The following ADCY5 variants were observed in gnomAD, a reference collection of about 807,000 sequenced individuals.
The protein encoded by ADCY5 is adenylate cyclase type 5.
A neutral mutation model predicts 119.7 loss-of-function variants in ADCY5; 30 were observed. The ratio of observed to expected loss-of-function variants is 0.25; its 90% confidence interval spans 0.19 to 0.34. The LOEUF (loss-of-function observed/expected upper bound fraction) is 0.34. ADCY5 is among the 10% of genes least tolerant of loss of function. The pLI is 1.00. For synonymous variants in ADCY5, 753 were observed against 762.2 expected, an observed-to-expected ratio of 0.99 and a Z score of 0.20; for missense variants, 1,324 against 1,775.2, an observed-to-expected ratio of 0.75 and a Z score of 4.57.
At chr3:123,309,687 G>A (rs752641222) in intron 12 of ADCY5, among the ~76,000 whole-genome samples, 3 of 152,158 alleles carry the variant, frequency 2.0e-5, no homozygotes, top group Admixed American at 6.5e-5. Context: ...CTCCTGGAAC[G>A]AAGACCTCTC....
At chr3:123,379,995 G>C (rs931575) in intron 1 of ADCY5, among the ~76,000 whole-genome samples, 71,899 of 151,800 alleles carry the variant, frequency 0.47, 17,779 homozygotes, top group East Asian at 0.68. Context: ...CAAATCCAGG[G>C]CCCTCTAACT....
intron 1 of ADCY5, among the ~76,000 whole-genome samples, chr3:123,375,940 G>A (rs926071018): frequency 2.2e-5 from 3 of 139,040 alleles, no homozygotes; most frequent in South Asian, 4.5e-4. Context: ...GACTCCACGC[G>A]AGCCTTTGGA....
At chr3:123,315,549 T>C (rs1280190312) in intron 11 of ADCY5, among the ~76,000 whole-genome samples, 2 of 151,562 alleles carry the variant, frequency 1.3e-5, no homozygotes, top group African/African-American at 4.8e-5. Context: ...CTACAGGGAC[T>C]GTCAGTTGCA....
rs1288026973 is a variant in ADCY5, at chr3:123,352,600, G to A, written c.1135-19C>T. 1 of 1,601,906 alleles carries A rather than the reference G, an allele frequency of 6.2e-7. No individual in the cohort carries two copies. The highest frequency in any genetic ancestry group is 1.3e-5 in the African/African-American group (1 of 74,842). The stretch of plus-strand genomic sequence containing the variant: ...AGACAAGCTGCAGAGGGAGAGAGGA[G>A]CACACCTAGCTCAGATCCTGACCTT... On this transcript the variant is annotated intron_variant, in intron 1 of 20. Transcript: ENST00000462833. This position sits in a 1 kb window ranked among gnomAD's most constrained non-coding sequence, Gnocchi z 4.8.
intron 2 of ADCY5, among the ~76,000 whole-genome samples, chr3:123,349,617 T>C (rs1942738848): frequency 6.6e-6 from 1 of 152,178 alleles, no homozygotes; most frequent in South Asian, 2.1e-4. Context: ...GAACTCACTC[T>C]TCCTTATTTT....
At position 123,291,382 on chromosome 3, in the gene ADCY5, A is replaced by G. The variant is rs1346440102; in HGVS notation, c.3064-6T>C. 1.2e-5 allele frequency: 19 copies of G among 1,603,550 alleles called. No homozygotes were observed. Among genetic ancestry groups the G allele is most frequent in the Admixed American group, 1.7e-5 (1 of 59,644 alleles). ...TCCTCTTTCTCCTCTGTGGCCTGAG[A>G]GAAAAAGACTGCAAGTCACCCAGAT... On this transcript the variant is annotated splice_region_variant and splice_polypyrimidine_tract_variant and intron_variant, in intron 17 of 20. Transcript: ENST00000462833.
intron 1 of ADCY5, among the ~76,000 whole-genome samples, chr3:123,442,630 C>T (rs1325101936): frequency 6.6e-6 from 1 of 152,188 alleles, no homozygotes; most frequent in Non-Finnish European, 1.5e-5. Context: ...CTGTTGCAGA[C>T]GAACATTTAG....
At chr3:123,431,864 A>G (rs1945529903) in intron 1 of ADCY5, among the ~76,000 whole-genome samples, 1 of 152,190 alleles carries the variant, frequency 6.6e-6, no homozygotes, top group African/African-American at 2.4e-5. Flanking sequence ...ACAGCCATAA[A>G]TCAGACTCGG....
intron 1 of ADCY5, among the ~76,000 whole-genome samples, chr3:123,402,489 C>T (rs904795446): frequency 6.6e-6 from 1 of 152,186 alleles, no homozygotes; most frequent in Non-Finnish European, 1.5e-5. Flanking sequence ...AGGCAAGCAC[C>T]GGCTTCTTTT....
rs1408670197 is a variant in ADCY5 at position 123,333,400 on chromosome 3, G to A, written c.1407-725C>T. ...GACCAAGACAGACTTCCATGAGGGA[G>A]GAGAGGCAGGGCTTATGGCCAGGGC... On this transcript the variant is annotated intron_variant, in intron 3 of 20. Coordinates refer to ENST00000462833, the MANE Select transcript of ADCY5 (RefSeq NM_183357.3). Among the ~76,000 whole-genome samples, 11 of 152,372 alleles carry A rather than the reference G, an allele frequency of 7.2e-5. No individual in the cohort carries two copies. In the South Asian group the frequency reaches 1.7e-3, roughly 23 times the overall value.
intron 1 of ADCY5, among the ~76,000 whole-genome samples, chr3:123,438,354 A>T (rs1945661114): frequency 6.6e-6 from 1 of 152,206 alleles, no homozygotes; most frequent in South Asian, 2.1e-4. Context: ...GACACACACC[A>T]TGTGTGTGTA....
intron 13 of ADCY5, among the ~76,000 whole-genome samples, chr3:123,303,624 G>T (rs1044250318): frequency 6.6e-6 from 1 of 152,020 alleles, no homozygotes; most frequent in Admixed American, 6.5e-5. Flanking sequence ...CCAGCCTGGC[G>T]ACCAGCCTGG....
intron 3 of ADCY5, among the ~76,000 whole-genome samples, chr3:123,344,328 T>C (rs1008761987): frequency 2.0e-5 from 3 of 152,220 alleles, no homozygotes; most frequent in Admixed American, 2.0e-4. Context: ...ATTCGCCAAC[T>C]AGAGAATCCC....
Position 123,300,258 on chromosome 3 carries a change from C to T in ADCY5, c.2762G>A (p.Cys921Tyr). The T allele has an allele frequency of 6.2e-7, 1 of 1,613,594 alleles. No homozygotes were observed. ...TYSVLLSLLA[C>Y]SVFLQISCIG... ...GCAGCTGATCTGCAGGAACACGGAG[C>T]AGGCCAGCAGGCTGAGCAGCACGCT... is the stretch of plus-strand genomic sequence containing the variant. Residue 921 changes from cysteine (C) to tyrosine (Y), a missense_variant, in exon 15 of 21, where the codon TGC becomes TAC. Physicochemically the swap from Cys to Tyr is radical, Grantham distance 194. Coordinates refer to ENST00000462833, the MANE Select transcript of ADCY5 (RefSeq NM_183357.3).
intron 1 of ADCY5, among the ~76,000 whole-genome samples, chr3:123,380,467 C>G (rs1943995383): frequency 6.6e-6 from 1 of 152,238 alleles, no homozygotes; most frequent in Admixed American, 6.5e-5. Flanking sequence ...TGCCTTAGCC[C>G]TCTAAACACA....
intron 1 of ADCY5, among the ~76,000 whole-genome samples, chr3:123,382,508 T>A (rs931070682): frequency 6.6e-6 from 1 of 152,188 alleles, no homozygotes; most frequent in African/African-American, 2.4e-5. Context: ...AGCCAAAAGA[T>A]GGAAACTACC....
At chr3:123,374,528 G>C (rs1207828762) in intron 1 of ADCY5, among the ~76,000 whole-genome samples, 1 of 152,208 alleles carries the variant, frequency 6.6e-6, no homozygotes, top group African/African-American at 2.4e-5. Context: ...CAAAAAGAAA[G>C]TGAGGCACAG....
intron 1 of ADCY5, chr3:123,419,218 C>T (rs1945251297): frequency 1.0e-6 from 1 of 985,356 alleles, no homozygotes; most frequent in South Asian, 4.7e-5. Flanking sequence ...CTGACGAGCA[C>T]ACAGTCAGGT....
chr3:123,359,447 C>G (rs992950880), intron 1 of ADCY5, among the ~76,000 whole-genome samples: 4 of 150,332 alleles, frequency 2.7e-5, no homozygotes, highest in African/African-American at 9.8e-5. Flanking sequence ...TCAAACCACA[C>G]CTGCCCTCCC....
Sources: allele counts gnomAD v4.1 joint callset (sites outside exome capture counted in the v4.1 genomes callset), GRCh38; gene constraint gnomAD v4.1.1; non-coding constraint Gnocchi (gnomAD v3.1); transcripts MANE v1.5; gene names NCBI Gene and HGNC (gene_info 2026-07-23, HGNC 2026-07-21).